Variants in NCBP1 observed in about 807,000 individuals in gnomAD.
NCBP1 encodes the protein nuclear cap-binding protein subunit 1.
A neutral mutation model predicts 111.7 loss-of-function variants in NCBP1; 16 were observed. The ratio of observed to expected loss-of-function variants is 0.14; its 90% CI spans 0.10 to 0.22. The LOEUF is 0.22. Among genes scored for constraint, NCBP1 ranks in the 10% least tolerant of loss-of-function variants. NCBP1 has a pLI of 1.00. For synonymous variants in NCBP1, 304 were observed against 314.3 expected (o/e 0.97, Z 0.35); for missense variants, 607 against 957.5 (o/e 0.63, Z 4.83).
chr9:97,661,737 T>TTG (rs1554695842), intron 16 of NCBP1, among the ~76,000 whole-genome samples: 39 of 151,248 alleles, frequency 2.6e-4, no homozygotes, highest in African/African-American at 9.5e-4. Context: ...TAAGTGTTTT[T>TTG]TTTTTTTTTT....
intron 14 of NCBP1, among the ~76,000 whole-genome samples, chr9:97,657,933 T>A (rs1024743430): frequency 0.012 from 1,642 of 140,828 alleles, 25 homozygotes; most frequent in African/African-American, 0.044. Flanking sequence ...TATATTTTTT[T>A]TTTTTTTTTT....
At chr9:97,649,970 C>A (rs1320149935) in intron 8 of NCBP1, among the ~76,000 whole-genome samples, 2 of 152,120 alleles carry the variant, frequency 1.3e-5, no homozygotes, top group Non-Finnish European at 2.9e-5. Flanking sequence ...AGATTAGAAT[C>A]ATCCAAAAGT....
rs1360940537 is a variant in NCBP1 at position 97,660,927 on chromosome 9, C to T, written c.1478-19C>T. ...GAAACCTGATCTGTCATTCCCCTTA[C>T]CCCCAATTCTGTGTTTAGATTCTCT... On this transcript the variant is annotated intron_variant, in intron 15 of 22. Transcript: ENST00000375147. The T allele has an allele frequency of 1.9e-6, 3 of 1,603,044 alleles. No individual in the cohort carries two copies. The highest frequency in any genetic ancestry group is 1.7e-4 in the Middle Eastern group (1 of 6,054).
chr9:97,640,885 A>G lies in NCBP1; in HGVS notation c.123+3A>G, dbSNP rs1461855123. The G allele has an allele frequency of 2.5e-6, 4 of 1,582,258 alleles. No individual in the cohort carries two copies. The highest frequency in any genetic ancestry group is 1.4e-5 in the African/African-American group (1 of 73,684). On this transcript the variant is annotated splice_donor_region_variant and intron_variant, in intron 2 of 22. Coordinates refer to ENST00000375147, the MANE Select transcript of NCBP1 (RefSeq NM_002486.5). Reference sequence around the variant, plus strand: ...TAATATGTAAAGTAGGAGAAAAGGTATGTCACACAATAGGCACAGGCTGTG... The same window carrying G: ...TAATATGTAAAGTAGGAGAAAAGGTGTGTCACACAATAGGCACAGGCTGTG...
intron 18 of NCBP1, among the ~76,000 whole-genome samples, chr9:97,663,905 G>C (rs544264515): frequency 6.6e-6 from 1 of 151,858 alleles, no homozygotes; most frequent in Non-Finnish European, 1.5e-5. Context: ...CAGGCCAGGC[G>C]TGGTGGCTCT....
intron 16 of NCBP1, 134 bp from the exon 17 acceptor site, chr9:97,661,905 ATTG>A: frequency 4.0e-6 from 2 of 503,278 alleles, no homozygotes; most frequent in East Asian, 3.1e-5. Context: ...ACGGTCTTTT[ATTG>A]TTTATTAGAA....
At position 97,663,033 on chromosome 9, in the gene NCBP1, A is replaced by G; in HGVS notation, c.1783A>G (p.Arg595Gly). 1 of 1,611,012 alleles carries G rather than the reference A, an allele frequency of 6.2e-7. No homozygotes were observed. Among genetic ancestry groups the G allele is most frequent in the Non-Finnish European group, 8.5e-7 (1 of 1,178,464 alleles). The change falls in exon 18 of 23, where the codon AGG (arginine) becomes GGG (glycine). Residue 595 changes from arginine (R) to glycine (G), a missense_variant. By Grantham distance (125) the Arg-to-Gly change is moderately radical (BLOSUM62 -2). Coordinates refer to ENST00000375147, the MANE Select transcript of NCBP1 (RefSeq NM_002486.5). ...GCTAAGAGTTATGTTTGAGGTCTGGAGGAACCATCCACAGGTAAAAATTAT... is the reference window on the plus strand; with the variant it reads ...GCTAAGAGTTATGTTTGAGGTCTGGGGGAACCATCCACAGGTAAAAATTAT... Reference protein sequence around the residue: ...HVLRVMFEVWRNHPQMIAVLV... With the variant: ...HVLRVMFEVWGNHPQMIAVLV...
At chr9:97,663,114 T>C (rs1402075273) in intron 18 of NCBP1, 67 bp downstream of exon 18, 2 of 1,213,874 alleles carry the variant, frequency 1.6e-6, no homozygotes, top group Non-Finnish European at 2.4e-6. Flanking sequence ...GGCCGTTAAT[T>C]GCCATTGTTT....
chr9:97,634,180 G>C (rs890207433), intron 1 of NCBP1, among the ~76,000 whole-genome samples: 6 of 152,256 alleles, frequency 3.9e-5, no homozygotes, highest in Non-Finnish European at 8.8e-5. Context: ...GGTCTCTAAG[G>C]ATGCTTCAGA....
chr9:97,636,849 G>C (rs1000150912), intron 1 of NCBP1, among the ~76,000 whole-genome samples: 4 of 151,808 alleles, frequency 2.6e-5, no homozygotes, highest in African/African-American at 7.3e-5. Context: ...AGGTAAAGAG[G>C]GGAGAGATTT....
chr9:97,643,424 C>A (rs894510790), intron 4 of NCBP1, 64 bp downstream of exon 4: 68 of 1,406,196 alleles, frequency 4.8e-5, no homozygotes, highest in Non-Finnish European at 6.3e-5. Context: ...AGGTGAACTA[C>A]AACCAAATAA....
intron 9 of NCBP1, among the ~76,000 whole-genome samples, chr9:97,651,012 G>T (rs569712524): frequency 6.6e-6 from 1 of 151,998 alleles, no homozygotes; most frequent in African/African-American, 2.4e-5. Flanking sequence ...AATGAATATA[G>T]TATTATGAGA....
intron 11 of NCBP1, among the ~76,000 whole-genome samples, 200 bp downstream of exon 11, chr9:97,654,108 T>A (rs1398420256): frequency 2.0e-5 from 3 of 152,196 alleles, no homozygotes; most frequent in Admixed American, 1.3e-4. Context: ...CCTTCACTAT[T>A]TGGGTCAGGG....
At chr9:97,667,231 A>G (rs1828034456) in intron 20 of NCBP1, among the ~76,000 whole-genome samples, 2 of 152,306 alleles carry the variant, frequency 1.3e-5, no homozygotes, top group Admixed American at 6.5e-5. Flanking sequence ...GACTATAGAT[A>G]CTTAACACTT....
intron 22 of NCBP1, chr9:97,670,168 G>A (rs1033221987): frequency 9.5e-5 from 22 of 230,414 alleles, no homozygotes; most frequent in Non-Finnish European, 1.8e-4. Context: ...GGAGGCCTCC[G>A]CCTCCCAAAG....
At chr9:97,653,759 A>G (rs778771861) in intron 10 of NCBP1, 39 bp from the exon 11 acceptor site, 1 of 1,476,084 alleles carries the variant, frequency 6.8e-7, no homozygotes, top group Non-Finnish European at 9.5e-7. Flanking sequence ...GTGCAAAGAT[A>G]GCAGTTGGAT....
intron 10 of NCBP1, 149 bp downstream of exon 10, chr9:97,651,522 C>T (rs1235008555): frequency 1.5e-5 from 11 of 723,746 alleles, no homozygotes; most frequent in African/African-American, 1.8e-5. Context: ...AAATTGCTGT[C>T]GGTTTTGGTG....
chr9:97,667,657 C>T (rs1828049752), intron 20 of NCBP1, among the ~76,000 whole-genome samples: 1 of 152,180 alleles, frequency 6.6e-6, no homozygotes, highest in Non-Finnish European at 1.5e-5. Context: ...ACAGGTCTGT[C>T]AGACTCCAGA....
intron 7 of NCBP1, 25 bp from the exon 8 acceptor site, chr9:97,647,983 T>A: frequency 6.6e-7 from 1 of 1,519,756 alleles, no homozygotes. Flanking sequence ...ATTATATTAA[T>A]GATTAAAAAT....
Sources: gnomAD v4.1 joint callset for allele counts (sites outside exome capture counted in the v4.1 genomes callset) on GRCh38, gnomAD v4.1.1 for gene constraint, MANE v1.5 for transcripts, NCBI Gene and HGNC (gene_info 2026-07-23, HGNC 2026-07-21) for gene names.